Variants in LGR4 observed in about 807,000 individuals in gnomAD.
LGR4 encodes the protein leucine-rich repeat-containing G protein-coupled receptor 4.
LGR4 carries 44 observed loss-of-function variants against 84.8 expected under a neutral mutation model. The ratio of observed to expected loss-of-function variants is 0.52; its 90% CI spans 0.41 to 0.67. The LOEUF (loss-of-function observed/expected upper bound fraction) is 0.67. Ranked by LOEUF, LGR4 falls within the 30% of genes least tolerant of loss-of-function variation. The pLI is 0.00. For synonymous variants in LGR4, 429 were observed against 434.3 expected (o/e 0.99, Z 0.15); for missense variants, 1,032 against 1,131.4 (o/e 0.91, Z 1.26).
chr11:27,422,052 G>A (rs528400995), intron 1 of LGR4, among the ~76,000 whole-genome samples: 1 of 152,208 alleles, frequency 6.6e-6, no homozygotes, highest in African/African-American at 2.4e-5. Context: ...AGCTGTTCTG[G>A]TAACCCTACG....
chr11:27,454,561 A>G (rs1347472426), intron 1 of LGR4, among the ~76,000 whole-genome samples: 1 of 152,152 alleles, frequency 6.6e-6, no homozygotes, highest in Non-Finnish European at 1.5e-5. Context: ...GGAGTTCGAG[A>G]CCAGTCTGGC....
chr11:27,432,229 T>C (rs1382010814), intron 1 of LGR4, among the ~76,000 whole-genome samples: 2 of 152,240 alleles, frequency 1.3e-5, no homozygotes, highest in East Asian at 1.9e-4. Context: ...AGTTTCCTAC[T>C]GTACGCTAGC....
chr11:27,421,426 C>T (rs535562246), intron 1 of LGR4, among the ~76,000 whole-genome samples: 21 of 152,242 alleles, frequency 1.4e-4, no homozygotes, highest in African/African-American at 4.6e-4. Context: ...TTAAGAAAGA[C>T]GCATGACTTC....
At chr11:27,424,101 T>C (rs1863975585) in intron 1 of LGR4, among the ~76,000 whole-genome samples, 1 of 152,158 alleles carries the variant, frequency 6.6e-6, no homozygotes, top group Admixed American at 6.5e-5. Flanking sequence ...GTTACTAAAT[T>C]AGTAAGCAGA....
intron 1 of LGR4, among the ~76,000 whole-genome samples, chr11:27,424,578 G>T (rs1863985026): frequency 6.6e-6 from 1 of 152,166 alleles, no homozygotes; most frequent in Non-Finnish European, 1.5e-5. Context: ...TGCAATGGGA[G>T]CTGATCACAC....
intron 1 of LGR4, among the ~76,000 whole-genome samples, chr11:27,469,328 C>A (rs1332246549): frequency 1.3e-5 from 2 of 152,264 alleles, no homozygotes; most frequent in Non-Finnish European, 2.9e-5. Context: ...CTCTCTGGGA[C>A]CTTCTCAAAT....
intron 15 of LGR4, 107 bp from the exon 16 acceptor site, chr11:27,372,505 A>G: frequency 1.4e-6 from 1 of 703,086 alleles, no homozygotes. Flanking sequence ...GGAGTCAGAA[A>G]GATCTGTCAT....
chr11:27,391,495 A>G (rs186970346), intron 3 of LGR4, among the ~76,000 whole-genome samples: 93 of 152,292 alleles, frequency 6.1e-4, no homozygotes, highest in Middle Eastern at 6.8e-3. Flanking sequence ...GTTAATGTTA[A>G]TTAGGAGCTA....
chr11:27,436,600 A>AT (rs920259521), intron 1 of LGR4, among the ~76,000 whole-genome samples: 12 of 152,120 alleles, frequency 7.9e-5, no homozygotes, highest in African/African-American at 2.4e-4. Flanking sequence ...TTTTCACCAT[A>AT]TTTTTTTATC....
intron 2 of LGR4, among the ~76,000 whole-genome samples, chr11:27,411,077 C>G: frequency 6.6e-6 from 1 of 152,198 alleles, no homozygotes; most frequent in East Asian, 1.9e-4. Flanking sequence ...CACACAGTGG[C>G]CCCACCCAGA....
At chr11:27,399,159 C>G (rs904247970) in intron 2 of LGR4, among the ~76,000 whole-genome samples, 1 of 152,144 alleles carries the variant, frequency 6.6e-6, no homozygotes, top group Admixed American at 6.5e-5. Flanking sequence ...GATCCACCCC[C>G]CTCAGCCTGC....
chr11:27,411,593 G>C (rs574295560), intron 2 of LGR4, among the ~76,000 whole-genome samples: 10 of 152,110 alleles, frequency 6.6e-5, no homozygotes, highest in African/African-American at 2.4e-4. Flanking sequence ...GTCTTCTCTA[G>C]AATACTATGA....
intron 1 of LGR4, among the ~76,000 whole-genome samples, chr11:27,457,264 C>T (rs1372350830): frequency 1.3e-5 from 2 of 152,104 alleles, no homozygotes; most frequent in African/African-American, 4.8e-5. Context: ...CACTAAATAT[C>T]CATTTTTTAA....
chr11:27,373,172 ACTCT>A (rs1862916803), intron 15 of LGR4: 1 of 154,316 alleles, frequency 6.5e-6, no homozygotes, highest in Admixed American at 6.5e-5. Context: ...TCGTAACAAT[ACTCT>A]CTATTATATT....
Position 27,367,658 on chromosome 11 carries a change from G to T in LGR4, c.*209C>A. 1 of 491,914 alleles carries T rather than the reference G, an allele frequency of 2.0e-6. No homozygotes were observed. Among genetic ancestry groups the T allele is most frequent in the South Asian group, 3.6e-5 (1 of 28,102 alleles). The allele number at this position is 491,914 out of a possible 1,614,324, so 30.5% of individuals were successfully genotyped here. On this transcript the variant is annotated 3_prime_UTR_variant, in exon 18 of 18. Coordinates refer to ENST00000379214, the MANE Select transcript of LGR4 (RefSeq NM_018490.5). ...ATTTGTTTCAAACAGATCATACATT[G>T]CTTGGACATTGCATTTTTCACCAAT...
chr11:27,462,210 T>C (rs1433901843), intron 1 of LGR4, among the ~76,000 whole-genome samples: 1 of 152,152 alleles, frequency 6.6e-6, no homozygotes, highest in African/African-American at 2.4e-5. Flanking sequence ...CAGATCACAT[T>C]GACACTGTCT....
intron 1 of LGR4, chr11:27,471,710 C>T (rs1390690945): frequency 6.4e-6 from 1 of 156,536 alleles, no homozygotes; most frequent in Non-Finnish European, 1.4e-5. Context: ...CCCTCAGCCC[C>T]GCCAGTAGCG....
At chr11:27,386,925 A>G (rs1276524191) in intron 4 of LGR4, among the ~76,000 whole-genome samples, 1 of 152,154 alleles carries the variant, frequency 6.6e-6, no homozygotes, top group Non-Finnish European at 1.5e-5. Flanking sequence ...CTTTTACATA[A>G]CAGACTGGCC....
intron 1 of LGR4, among the ~76,000 whole-genome samples, chr11:27,426,371 T>G (rs1864025481): frequency 6.6e-6 from 1 of 152,208 alleles, no homozygotes; most frequent in South Asian, 2.1e-4. Flanking sequence ...TTGGGAGGAA[T>G]GATGTAAAAT....
Sources: gnomAD v4.1 joint callset for allele counts (sites outside exome capture counted in the v4.1 genomes callset) on GRCh38, gnomAD v4.1.1 for gene constraint, MANE v1.5 for transcripts, NCBI Gene and HGNC (gene_info 2026-07-23, HGNC 2026-07-21) for gene names.